Variants in SPAG1 observed in about 807,000 individuals in gnomAD.
SPAG1 encodes sperm associated antigen 1, also known as sperm-associated antigen 1.
SPAG1 carries 69 observed loss-of-function variants against 100.5 expected under a neutral mutation model. The observed-to-expected ratio is 0.69, with a 90% CI of 0.57 to 0.84. The LOEUF is 0.84. Among genes scored for constraint, SPAG1 ranks in the 40% least tolerant of loss-of-function variants. The pLI, the probability that SPAG1 is intolerant of heterozygous loss-of-function variation, is 0.00. For synonymous variants in SPAG1, 336 were observed against 411.6 expected (o/e 0.82, Z 2.22); for missense variants, 955 against 1,133.1 (o/e 0.84, Z 2.26).
rs900878327 is a variant in SPAG1 at position 100,190,831 on chromosome 8, AT to A, written c.833-549del. Among the ~76,000 whole-genome samples the A allele has an allele frequency of 1.3e-4, 19 of 147,662 alleles. 1 individual carries two copies. The highest frequency in any genetic ancestry group is 2.2e-4 in the South Asian group (1 of 4,648). On this transcript the variant is annotated intron_variant, in intron 8 of 18. Coordinates refer to ENST00000388798, the MANE Select transcript of SPAG1 (RefSeq NM_003114.5). ...AGATGTGTGCTACCATGCCAAGCTA[AT>A]TTTTTTTTTGTATTTTTAGTAGAGA...
intron 16 of SPAG1, 103 bp downstream of exon 16, chr8:100,233,640 C>A: frequency 8.2e-7 from 1 of 1,214,306 alleles, no homozygotes; most frequent in Non-Finnish European, 1.1e-6. Context: ...TGAGGTTATT[C>A]TTGGATTTAA....
chr8:100,190,530 G>A (rs1037645351), intron 8 of SPAG1, among the ~76,000 whole-genome samples: 7 of 151,950 alleles, frequency 4.6e-5, no homozygotes, highest in African/African-American at 1.4e-4. Context: ...TGACCTAACT[G>A]ACTTAATCAT....
chr8:100,165,278 A>G, intron 2 of SPAG1: 2 of 524,222 alleles, frequency 3.8e-6, no homozygotes, highest in South Asian at 2.8e-5. Context: ...ATGTTTTAGA[A>G]AAACATTTCC....
At chr8:100,190,968 C>A (rs772829792) in intron 8 of SPAG1, among the ~76,000 whole-genome samples, 1 of 151,980 alleles carries the variant, frequency 6.6e-6, no homozygotes, top group Non-Finnish European at 1.5e-5. Context: ...CTGTGCCTAG[C>A]CAATATACTA....
At chr8:100,159,556 A>G (rs1815215345) in intron 1 of SPAG1, among the ~76,000 whole-genome samples, 1 of 152,248 alleles carries the variant, frequency 6.6e-6, no homozygotes, top group Non-Finnish European at 1.5e-5. Context: ...TCATTGCCCA[A>G]GTACAGTGGG....
intron 2 of SPAG1, among the ~76,000 whole-genome samples, chr8:100,163,015 C>T (rs973200043): frequency 2.0e-5 from 3 of 152,008 alleles, no homozygotes; most frequent in African/African-American, 4.8e-5. Flanking sequence ...AAGCTTATCT[C>T]ACCAGCCTAG....
At chr8:100,223,238 A>G (rs775216594) in intron 13 of SPAG1, among the ~76,000 whole-genome samples, 19 of 152,270 alleles carry the variant, frequency 1.2e-4, no homozygotes, top group South Asian at 1.0e-3. Flanking sequence ...CCATTCATGG[A>G]CAAATTTTTG....
chr8:100,223,501 A>G (rs1818371837), intron 13 of SPAG1, among the ~76,000 whole-genome samples: 1 of 149,628 alleles, frequency 6.7e-6, no homozygotes, highest in South Asian at 2.1e-4. Flanking sequence ...ATTTTTCACT[A>G]TTTCTTATTT....
chr8:100,163,664 T>A (rs1481619880), intron 2 of SPAG1, among the ~76,000 whole-genome samples: 1 of 152,202 alleles, frequency 6.6e-6, no homozygotes, highest in Non-Finnish European at 1.5e-5. Context: ...TATCACTGGG[T>A]TCTTCCCTTT....
At chr8:100,171,517 A>G (rs1815848995) in intron 3 of SPAG1, among the ~76,000 whole-genome samples, 1 of 152,214 alleles carries the variant, frequency 6.6e-6, no homozygotes, top group Non-Finnish European at 1.5e-5. Context: ...AATTTTTCAA[A>G]TAGATACAAG....
In SPAG1 at chr8:100,193,044, C is replaced by A. The variant is rs950018068; in HGVS notation, c.940-1068C>A. On this transcript the variant is annotated intron_variant, in intron 9 of 18. Coordinates refer to ENST00000388798, the MANE Select transcript of SPAG1 (RefSeq NM_003114.5). ...AAAACATAGGAGAAAATCTTTATGA[C>A]CTTAGACAAATATTTCTTATGTAAG... Among the ~76,000 whole-genome samples, 4 of 152,062 alleles carry A rather than the reference C, an allele frequency of 2.6e-5. No individual in the cohort carries two copies. The East Asian group carries it at 5.8e-4, about 22-fold the overall frequency.
rs775610872 is a variant in SPAG1 at position 100,213,893 on chromosome 8, A to G, written c.1510A>G (p.Ser504Gly). 70 of 1,601,960 alleles carry G rather than the reference A, an allele frequency of 4.4e-5. No individual in the cohort carries two copies. Among genetic ancestry groups the G allele is most frequent in the Non-Finnish European group, 5.1e-5 (60 of 1,170,470 alleles). The change falls in exon 12 of 19, where the codon AGT (serine) becomes GGT (glycine). Residue 504 changes from serine (S) to glycine (G), a missense_variant. Transcript: ENST00000388798. Reference protein sequence around the residue: ...AACYLKEGNCSGCIQDCNRAL... With the variant: ...AACYLKEGNCGGCIQDCNRAL... Reference sequence around the variant, plus strand: ...ATGTTACCTAAAAGAAGGAAACTGCAGTGGCTGCATTCAAGATTGTAACAG... The same window carrying G: ...ATGTTACCTAAAAGAAGGAAACTGCGGTGGCTGCATTCAAGATTGTAACAG...
rs1209017236 is a variant in SPAG1 at position 100,170,838 on chromosome 8, TTTATTTA to T, written c.300+4868_300+4874del. On this transcript the variant is annotated intron_variant, in intron 3 of 18. Transcript: ENST00000388798. ...ATTTATTTATTTATTTATTTATTTATTTATTTATTTATTTTTTACTTGCTTTATTGAA... is the reference window on the plus strand; with the variant it reads ...ATTTATTTATTTATTTATTTATTTATTTTATTTTTTACTTGCTTTATTGAA... Among the ~76,000 whole-genome samples, 208 of 149,268 alleles carry T rather than the reference TTTATTTA, an allele frequency of 1.4e-3. 1 individual carries two copies. Among genetic ancestry groups the T allele is most frequent in the African/African-American group, 4.7e-3 (192 of 40,440 alleles).
chr8:100,158,790 A>G (rs748578765), intron 1 of SPAG1, 174 bp downstream of exon 1: 1 of 152,138 alleles, frequency 6.6e-6, no homozygotes, highest in Non-Finnish European at 1.5e-5. Flanking sequence ...ATGGACATTC[A>G]GTAGTCTTGA....
chr8:100,200,646 G>A (rs1224239271), intron 10 of SPAG1, among the ~76,000 whole-genome samples: 1 of 152,194 alleles, frequency 6.6e-6, no homozygotes, highest in African/African-American at 2.4e-5. Context: ...ATTCTAACTG[G>A]TGTGAGATGG....
chr8:100,218,485 A>G (rs1023350050), intron 12 of SPAG1, among the ~76,000 whole-genome samples: 4 of 152,228 alleles, frequency 2.6e-5, no homozygotes, highest in African/African-American at 9.6e-5. Flanking sequence ...TTACCTAAAC[A>G]TTAAACTAAG....
At chr8:100,163,675 T>C (rs1196795568) in intron 2 of SPAG1, among the ~76,000 whole-genome samples, 1 of 152,222 alleles carries the variant, frequency 6.6e-6, no homozygotes, top group East Asian at 1.9e-4. Flanking sequence ...TCTTCCCTTT[T>C]TCTCTTTCAT....
chr8:100,182,309 T>C (rs1395020791), intron 4 of SPAG1, among the ~76,000 whole-genome samples: 1 of 152,206 alleles, frequency 6.6e-6, no homozygotes, highest in Non-Finnish European at 1.5e-5. Context: ...TTTGGGCCAC[T>C]GTTAGTGCTT....
At chr8:100,211,537 T>C (rs1304473856) in intron 10 of SPAG1, among the ~76,000 whole-genome samples, 10 of 152,108 alleles carry the variant, frequency 6.6e-5, no homozygotes, top group Non-Finnish European at 2.9e-5. Context: ...GGCTCTCACC[T>C]GTAGTCCCAG....
Sources: allele counts gnomAD v4.1 joint callset (sites outside exome capture counted in the v4.1 genomes callset), GRCh38; gene constraint gnomAD v4.1.1; transcripts MANE v1.5; gene names NCBI Gene and HGNC (gene_info 2026-07-23, HGNC 2026-07-21).